ADCK1: variants seen among roughly 807,000 people sequenced by gnomAD.
ADCK1 encodes the protein aarF domain-containing protein kinase 1.
In ADCK1, 41 loss-of-function variants were observed where a neutral mutation model predicts 52.3. The ratio of observed to expected loss-of-function variants is 0.78; its 90% CI spans 0.61 to 1.02. The LOEUF (loss-of-function observed/expected upper bound fraction) is 1.02, where lower values mean the gene tolerates loss of function less well. Ranked by LOEUF, ADCK1 falls within the 50% of genes least tolerant of loss-of-function variation. The pLI is 0.00. For synonymous variants in ADCK1, 250 were observed against 274.6 expected, an observed-to-expected ratio of 0.91 and a Z score of 0.89; for missense variants, 658 against 679.5, an observed-to-expected ratio of 0.97 and a Z score of 0.35.
intron 3 of ADCK1, among the ~76,000 whole-genome samples, chr14:77,831,099 GC>G (rs2081838769): frequency 6.6e-6 from 1 of 152,130 alleles, no homozygotes; most frequent in African/African-American, 2.4e-5. Flanking sequence ...AATTTGAGAG[GC>G]TTACCTACCC....
chr14:77,919,258 C>T (rs1441516986), intron 7 of ADCK1, among the ~76,000 whole-genome samples: 3 of 152,208 alleles, frequency 2.0e-5, no homozygotes, highest in Non-Finnish European at 4.4e-5. Context: ...CCCAAGTCCC[C>T]ATAGTTCATT....
chr14:77,932,474 G>A (rs1259292791), intron 10 of ADCK1, among the ~76,000 whole-genome samples: 3 of 152,112 alleles, frequency 2.0e-5, no homozygotes, highest in Non-Finnish European at 2.9e-5. Context: ...CAAATACGTC[G>A]GAAGGGCCCC....
chr14:77,933,299 A>T lies in ADCK1; in HGVS notation c.1480A>T (p.Asn494Tyr). The T allele has an allele frequency of 6.2e-7, 1 of 1,613,104 alleles. No individual in the cohort carries two copies. The highest frequency in any genetic ancestry group is 1.1e-5 in the South Asian group (1 of 91,054). ...FSEAFNLWQI[N>Y]LHELILRVKG... The stretch of plus-strand genomic sequence containing the variant: ...CGAGGCCTTCAACTTATGGCAGATC[A>T]ACCTCCATGAGCTCATCCTGCGTGT... Residue 494 changes from asparagine to tyrosine, a missense_variant, in exon 11 of 11, where the codon AAC becomes TAC. By Grantham distance (143) the Asn-to-Tyr change is moderately radical (BLOSUM62 -2). Transcript: ENST00000238561.
At chr14:77,830,907 G>T (rs992765687) in intron 3 of ADCK1, among the ~76,000 whole-genome samples, 31 of 152,170 alleles carry the variant, frequency 2.0e-4, no homozygotes, top group African/African-American at 6.7e-4. Context: ...TTACTATAGC[G>T]CCTAATATTT....
At chr14:77,915,591 T>G (rs1055557965) in intron 7 of ADCK1, among the ~76,000 whole-genome samples, 9 of 152,134 alleles carry the variant, frequency 5.9e-5, no homozygotes, top group Admixed American at 3.3e-4. Context: ...TAAAAAATGA[T>G]GAGTTCACGT....
intron 5 of ADCK1, among the ~76,000 whole-genome samples, chr14:77,898,203 T>G (rs1320371380): frequency 2.0e-5 from 3 of 152,182 alleles, no homozygotes; most frequent in Non-Finnish European, 4.4e-5. Flanking sequence ...AAGGTTGCAG[T>G]GAACTGTGAT....
chr14:77,817,739 CT>C lies in ADCK1; in HGVS notation c.-11-1215del, dbSNP rs774038186. On this transcript the variant is annotated intron_variant, in intron 1 of 10. Coordinates refer to ENST00000238561, the MANE Select transcript of ADCK1 (RefSeq NM_020421.4). The stretch of plus-strand genomic sequence containing the variant: ...TCCATTCAAGACAAGGGGTAGTCTT[CT>C]TTTTTTTTTTTTTGAGACGGAGTCT... 5.7e-3 allele frequency among the ~76,000 whole-genome samples: 818 copies of C among 144,324 alleles called. 7 individuals are homozygous for C. Among genetic ancestry groups the C allele is most frequent in the African/African-American group, 0.014 (538 of 39,726 alleles). The allele number at this position is 144,324 out of a possible 152,430, so 94.7% of individuals were successfully genotyped here. A position where few individuals can be genotyped will look rare whatever the true frequency, so the allele number is the denominator to read the frequency against.
intron 7 of ADCK1, among the ~76,000 whole-genome samples, chr14:77,921,184 A>T (rs10147360): frequency 1.3e-5 from 2 of 150,210 alleles, no homozygotes; most frequent in Non-Finnish European, 3.0e-5. Flanking sequence ...AAAATTAGCC[A>T]GGCGTGGTGG....
rs529390611 is a variant in ADCK1 at position 77,830,969 on chromosome 14, G to C, written c.219+8451G>C. On this transcript the variant is annotated intron_variant, in intron 3 of 10. Transcript: ENST00000238561. ...CTTCCTTACCTGAGAAGCAGAGTCAGGGAGATGCAGGACCCTGCCAGGTGG... is the reference window on the plus strand; with the variant it reads ...CTTCCTTACCTGAGAAGCAGAGTCACGGAGATGCAGGACCCTGCCAGGTGG... 5.9e-5 allele frequency among the ~76,000 whole-genome samples: 9 copies of C among 152,314 alleles called. No individual in the cohort carries two copies. The East Asian group carries it at 1.3e-3, about 23-fold the overall frequency.
intron 3 of ADCK1, among the ~76,000 whole-genome samples, chr14:77,857,331 T>G (rs745436641): frequency 6.6e-5 from 10 of 152,132 alleles, no homozygotes; most frequent in Non-Finnish European, 8.8e-5. Context: ...TTGTGCAAAT[T>G]TATGGGGTAC....
intron 3 of ADCK1, among the ~76,000 whole-genome samples, chr14:77,836,769 CTTTCTTTTTT>C (rs2081968709): frequency 1.3e-5 from 1 of 75,270 alleles, no homozygotes; most frequent in Non-Finnish European, 2.8e-5. Flanking sequence ...TTCTTTCTTT[CTTTCTTTTTT>C]TTTTTTTTTT....
intron 5 of ADCK1, among the ~76,000 whole-genome samples, chr14:77,894,300 C>T (rs539679296): frequency 5.3e-5 from 8 of 152,246 alleles, no homozygotes; most frequent in African/African-American, 7.2e-5. Flanking sequence ...CCTTGTTGAA[C>T]GTTCATTTTT....
intron 3 of ADCK1, among the ~76,000 whole-genome samples, chr14:77,852,660 A>AATATATATAT (rs370053776): frequency 1.3e-3 from 41 of 31,686 alleles, no homozygotes; most frequent in African/African-American, 3.9e-3. Flanking sequence ...TAAATAAATA[A>AATATATATAT]ATATATATAT....
intron 4 of ADCK1, among the ~76,000 whole-genome samples, chr14:77,870,165 G>C (rs998888037): frequency 2.6e-5 from 4 of 152,234 alleles, no homozygotes; most frequent in African/African-American, 9.6e-5. Flanking sequence ...CAATAACTCT[G>C]TAAGGCTGGT....
intron 3 of ADCK1, among the ~76,000 whole-genome samples, chr14:77,841,541 C>T (rs2082065393): frequency 6.6e-6 from 1 of 151,804 alleles, no homozygotes; most frequent in East Asian, 1.9e-4. Context: ...TGAAATTTGC[C>T]AGGCCAGGCT....
At chr14:77,832,986 C>T (rs1432930591) in intron 3 of ADCK1, among the ~76,000 whole-genome samples, 1 of 152,154 alleles carries the variant, frequency 6.6e-6, no homozygotes, top group African/African-American at 2.4e-5. Context: ...GTGTCAGGTA[C>T]AGGGTGAGGC....
chr14:77,904,749 G>T (rs1335156585), intron 6 of ADCK1, among the ~76,000 whole-genome samples: 1 of 152,124 alleles, frequency 6.6e-6, no homozygotes, highest in African/African-American at 2.4e-5. Context: ...GGACCCAGGG[G>T]TCCTAATGGT....
intron 3 of ADCK1, among the ~76,000 whole-genome samples, chr14:77,846,181 C>A (rs948449547): frequency 2.6e-5 from 4 of 152,166 alleles, no homozygotes; most frequent in African/African-American, 9.7e-5. Context: ...CTCCCCTAAG[C>A]CAGTGTATCT....
chr14:77,808,576 A>G (rs1324374894), intron 1 of ADCK1, among the ~76,000 whole-genome samples: 2 of 151,990 alleles, frequency 1.3e-5, no homozygotes, highest in Non-Finnish European at 2.9e-5. Context: ...ACATTTATTT[A>G]TTTATTAATT....
Sources: allele counts gnomAD v4.1 joint callset (sites outside exome capture counted in the v4.1 genomes callset), GRCh38; gene constraint gnomAD v4.1.1; transcripts MANE v1.5; gene names NCBI Gene and HGNC (gene_info 2026-07-23, HGNC 2026-07-21).